EZH1: variants seen among roughly 807,000 people sequenced by gnomAD.
The protein encoded by EZH1 is histone-lysine N-methyltransferase EZH1.
Under a neutral mutation model 100.5 loss-of-function variants are expected in EZH1, and 33 were observed. The ratio of observed to expected loss-of-function variants is 0.33; its 90% CI spans 0.25 to 0.44. EZH1 has a LOEUF of 0.44. Among genes scored for constraint, EZH1 ranks in the 20% least tolerant of loss-of-function variants. The pLI, the probability that EZH1 is intolerant of heterozygous loss-of-function variation, is 1.00. For synonymous variants in EZH1, 272 were observed against 313.8 expected (o/e 0.87, Z 1.41); for missense variants, 475 against 928.4 (o/e 0.51, Z 6.35).
chr17:42,735,017 A>AAAGAAAGG (rs1266976814), intron 1 of EZH1, among the ~76,000 whole-genome samples: 2 of 151,210 alleles, frequency 1.3e-5, no homozygotes, highest in African/African-American at 2.4e-5. Flanking sequence ...AAAGAAAAGA[A>AAAGAAAGG]AAGAAAGGAA....
chr17:42,708,577 C>T (rs1329919223), intron 14 of EZH1, among the ~76,000 whole-genome samples: 1 of 152,148 alleles, frequency 6.6e-6, no homozygotes, highest in Admixed American at 6.5e-5. Flanking sequence ...ATTGCTTGAA[C>T]CCGGGAGGCG....
intron 11 of EZH1, 103 bp downstream of exon 11, chr17:42,713,106 T>C (rs2053522623): frequency 3.0e-6 from 3 of 1,001,560 alleles, no homozygotes; most frequent in African/African-American, 1.7e-5. Flanking sequence ...AGAAAGAATT[T>C]ATAATTTTTA....
At chr17:42,715,284 AT>A (rs1475943754) in intron 10 of EZH1, among the ~76,000 whole-genome samples, 1 of 144,936 alleles carries the variant, frequency 6.9e-6, no homozygotes, top group Non-Finnish European at 1.5e-5. Context: ...ATATATATAT[AT>A]TTTTTTGAGA....
At position 42,713,216 on chromosome 17, in the gene EZH1, A is replaced by G. The variant is rs751918829; in HGVS notation, c.1197T>C (p.Ser399=). 1.9e-6 allele frequency: 3 copies of G among 1,613,212 alleles called. No individual in the cohort carries two copies. In the Admixed American group the frequency reaches 5.0e-5, roughly 27 times the overall value. The change falls in exon 11 of 21, where the codon AGT becomes AGC. Residue 399 remains serine, a synonymous_variant. Coordinates refer to ENST00000428826, the MANE Select transcript of EZH1 (RefSeq NM_001991.5). ...DRDTGNDWAS[S]SSEANSRCQT... ...ATTTTCTGTTCATCGTACCTGAAGA[A>G]CTGGAGGCCCAGTCATTGCCTGTGT...
At chr17:42,705,764 G>A in intron 16 of EZH1, 1 of 333,798 alleles carries the variant, frequency 3.0e-6, no homozygotes, top group Non-Finnish European at 5.5e-6. Flanking sequence ...ATGATCCGCT[G>A]GCCTCGGCCT....
chr17:42,718,127 A>G lies in EZH1; in HGVS notation c.932-60T>C. 1 of 1,426,710 alleles carries G rather than the reference A, an allele frequency of 7.0e-7. No individual in the cohort carries two copies. The highest frequency in any genetic ancestry group is 9.8e-7 in the Non-Finnish European group (1 of 1,015,260). The allele number at this position is 1,426,710 out of a possible 1,614,324, so 88.4% of individuals were successfully genotyped here. On this transcript the variant is annotated intron_variant, in intron 9 of 20. Transcript: ENST00000428826. This position sits in a 1 kb window ranked among gnomAD's most constrained non-coding sequence, Gnocchi z 4.2. ...TATCCACTTGACAAGATGGGGAGAAACAAAAGTGAATTAGAGAGCTATTGT... is the reference window on the plus strand; with the variant it reads ...TATCCACTTGACAAGATGGGGAGAAGCAAAAGTGAATTAGAGAGCTATTGT...
chr17:42,725,519 A>C (rs1190156189), intron 4 of EZH1, among the ~76,000 whole-genome samples: 1 of 151,720 alleles, frequency 6.6e-6, no homozygotes, highest in East Asian at 1.9e-4. Context: ...GGACTCAAGC[A>C]ATCATCCTGC....
chr17:42,704,503 G>A (rs1230099740), intron 18 of EZH1, 99 bp downstream of exon 18: 8 of 884,968 alleles, frequency 9.0e-6, no homozygotes, highest in East Asian at 5.3e-5. Context: ...AGCCAAGATC[G>A]CACCATTGCA....
In EZH1 at chr17:42,718,692, A is replaced by G. The variant is rs1157993516; in HGVS notation, c.768-75T>C. 4 of 1,508,738 alleles carry G rather than the reference A, an allele frequency of 2.7e-6. No homozygotes were observed. Among genetic ancestry groups the G allele is most frequent in the Non-Finnish European group, 3.6e-6 (4 of 1,096,620 alleles). The allele number at this position is 1,508,738 out of a possible 1,614,324, so 93.5% of individuals were successfully genotyped here. ...GAGGAAATACAGATTGGGTACTGACAGTAGCTCACCTACGGTCTGCCAAGG... is the reference window on the plus strand; with the variant it reads ...GAGGAAATACAGATTGGGTACTGACGGTAGCTCACCTACGGTCTGCCAAGG... On this transcript the variant is annotated intron_variant, in intron 8 of 20. Transcript: ENST00000428826. This position sits in a 1 kb window ranked among gnomAD's most constrained non-coding sequence, Gnocchi z 4.2.
intron 1 of EZH1, among the ~76,000 whole-genome samples, chr17:42,739,620 G>C (rs556061628): frequency 6.6e-6 from 1 of 151,776 alleles, no homozygotes; most frequent in Non-Finnish European, 1.5e-5. Context: ...CCAGCTACTC[G>C]GGAGGCTGAA....
Position 42,718,377 on chromosome 17 carries a change from A to C in EZH1, c.931+77T>G. Reference sequence around the variant, plus strand: ...CAGAAGCCAGGAACTCTATACGAGAAACCAGAACAAAGAGAAGGAAATGGT... The same window carrying C: ...CAGAAGCCAGGAACTCTATACGAGACACCAGAACAAAGAGAAGGAAATGGT... On this transcript the variant is annotated intron_variant, in intron 9 of 20. Transcript: ENST00000428826. The surrounding 1 kb of genome is among the most constrained non-coding windows in gnomAD (Gnocchi z 4.2). 6.4e-6 allele frequency: 10 copies of C among 1,572,772 alleles called. No individual in the cohort carries two copies. The highest frequency in any genetic ancestry group is 8.7e-6 in the Non-Finnish European group (10 of 1,155,392).
intron 13 of EZH1, chr17:42,709,304 T>G (rs1364394449): frequency 8.9e-6 from 2 of 223,540 alleles, no homozygotes; most frequent in African/African-American, 4.5e-5. Context: ...TTCAGGAATC[T>G]TCTCTGAAAG....
In EZH1 at chr17:42,712,302, T is replaced by A; in HGVS notation, c.1388A>T (p.Lys463Met). ...FCSIARLLGT[K>M]TCKQVFQFAV... ...TCCAGATGGTACCTGCTTGCACGTC[T>A]TGGTCCCCAGAAGCCTGGCTATTGA... The change falls in exon 12 of 21, where the codon AAG becomes ATG. Residue 463 changes from lysine (K) to methionine (M), a missense_variant. This residue lies in a region of EZH1 where 83 missense variants were observed against 142.1 expected (regional missense o/e 0.58). Coordinates refer to ENST00000428826, the MANE Select transcript of EZH1 (RefSeq NM_001991.5). 6.2e-7 allele frequency: 1 copy of A among 1,613,796 alleles called. No homozygotes were observed. The highest frequency in any genetic ancestry group is 8.5e-7 in the Non-Finnish European group (1 of 1,180,016).
At chr17:42,730,987 T>C (rs1469948577) in intron 1 of EZH1, 69 bp from the exon 2 acceptor site, 1 of 666,476 alleles carries the variant, frequency 1.5e-6, no homozygotes, top group Non-Finnish European at 1.9e-6. Context: ...ACACCCTCAG[T>C]AGGATTTTCC....
At chr17:42,720,168 C>G (rs915506844) in intron 7 of EZH1, 105 bp downstream of exon 7, 20 of 1,222,488 alleles carry the variant, frequency 1.6e-5, no homozygotes, top group Non-Finnish European at 2.3e-5. Flanking sequence ...AGTGAACCAA[C>G]AAGAAGCACC....
At position 42,713,306 on chromosome 17, in the gene EZH1, A is replaced by G; in HGVS notation, c.1107T>C (p.Ser369=). 6.2e-7 allele frequency: 1 copy of G among 1,613,920 alleles called. No individual in the cohort carries two copies. Among genetic ancestry groups the G allele is most frequent in the Non-Finnish European group, 8.5e-7 (1 of 1,179,842 alleles). Residue 369 remains serine, a synonymous_variant, in exon 11 of 21, where the codon AGT becomes AGC. Coordinates refer to ENST00000428826, the MANE Select transcript of EZH1 (RefSeq NM_001991.5). ...AGGCTGAGGCATTGGAGCAGGAAGCACTGACTATGTGGTGCCTTCTCCGGC... is the reference window on the plus strand; with the variant it reads ...AGGCTGAGGCATTGGAGCAGGAAGCGCTGACTATGTGGTGCCTTCTCCGGC... The part of the protein sequence containing the change: ...GRRRRRHHIV[S]ASCSNASASA...
chr17:42,706,194 G>A lies in EZH1; in HGVS notation c.1661-9C>T, dbSNP rs746823853. 17 of 1,603,018 alleles carry A rather than the reference G, an allele frequency of 1.1e-5. No individual in the cohort carries two copies. The highest frequency in any genetic ancestry group is 1.4e-5 in the Non-Finnish European group (17 of 1,172,786). ...AGGGAAACGATTCTGACCTGGGAAG[G>A]GAAGACAGGTAAGTCTTAGAAGGGA... On this transcript the variant is annotated splice_polypyrimidine_tract_variant and intron_variant, in intron 15 of 20. Transcript: ENST00000428826. This position sits in a 1 kb window ranked among gnomAD's most constrained non-coding sequence, Gnocchi z 4.4.
At chr17:42,703,702 C>T (rs2053291531) in intron 19 of EZH1, 38 bp downstream of exon 19, 6 of 1,428,916 alleles carry the variant, frequency 4.2e-6, no homozygotes, top group African/African-American at 1.4e-5. Context: ...AAAGAGGCAT[C>T]CATCCCCCAC....
At chr17:42,705,937 G>C in intron 16 of EZH1, 70 bp downstream of exon 16, 1 of 1,411,376 alleles carries the variant, frequency 7.1e-7, no homozygotes, top group Non-Finnish European at 9.4e-7. Flanking sequence ...AGTGGAAAGA[G>C]AATGCTTGGG....
Sources: gnomAD v4.1 joint callset for allele counts (sites outside exome capture counted in the v4.1 genomes callset) on GRCh38, gnomAD v4.1.1 for gene constraint, gnomAD v4.1.1 regional missense constraint, Gnocchi (gnomAD v3.1) non-coding constraint, MANE v1.5 for transcripts, NCBI Gene and HGNC (gene_info 2026-07-23, HGNC 2026-07-21) for gene names.